The following TFEC variants were observed in gnomAD, a reference collection of about 807,000 sequenced individuals.
TFEC encodes class E basic helix-loop-helix protein 34.
In TFEC, 31 loss-of-function variants were observed where a neutral mutation model predicts 41.6. The ratio of observed to expected loss-of-function variants is 0.74; its 90% CI spans 0.56 to 1.01. TFEC has a LOEUF of 1.01. Among genes scored for constraint, TFEC ranks in the 50% least tolerant of loss-of-function variants. The probability of loss-of-function intolerance (pLI) is 0.00; values close to 1 mark genes in which losing one functional copy is unlikely to be tolerated. For synonymous variants in TFEC, 143 were observed against 140.6 expected, an observed-to-expected ratio of 1.02 and a Z score of -0.12; for missense variants, 402 against 404.1, an observed-to-expected ratio of 0.99 and a Z score of 0.04.
chr7:116,135,086 C>T (rs1197098013), intron 1 of TFEC, among the ~76,000 whole-genome samples: 1 of 152,108 alleles, frequency 6.6e-6, no homozygotes, highest in Admixed American at 6.6e-5. Flanking sequence ...TCCTTTTATG[C>T]TGTATGTGGT....
intron 3 of TFEC, among the ~76,000 whole-genome samples, chr7:115,963,014 C>T (rs1457460956): frequency 6.6e-6 from 1 of 151,646 alleles, no homozygotes; most frequent in Admixed American, 6.6e-5. Flanking sequence ...CCCCCTCTCC[C>T]CGACCAGCCC....
chr7:116,023,918 T>C (rs1360071112), intron 1 of TFEC, among the ~76,000 whole-genome samples: 2 of 152,190 alleles, frequency 1.3e-5, no homozygotes, highest in Non-Finnish European at 2.9e-5. Context: ...AAGGGAAATA[T>C]TGAGGCAATT....
At chr7:116,037,876 G>C (rs1053803219) in intron 3 of TFEC, among the ~76,000 whole-genome samples, 1 of 151,984 alleles carries the variant, frequency 6.6e-6, no homozygotes, top group African/African-American at 2.4e-5. Flanking sequence ...AAGCATGTCA[G>C]GCAAAAGTGT....
intron 6 of TFEC, among the ~76,000 whole-genome samples, chr7:115,942,378 T>C (rs1377984863): frequency 1.3e-5 from 2 of 152,078 alleles, no homozygotes; most frequent in Non-Finnish European, 2.9e-5. Flanking sequence ...ATGTGCAGTA[T>C]TTCTGCATTA....
chr7:115,940,580 A>G lies in TFEC; in HGVS notation c.1015T>C (p.Phe339Leu). 1 of 1,612,976 alleles carries G rather than the reference A, an allele frequency of 6.2e-7. No homozygotes were observed. The highest frequency in any genetic ancestry group is 8.5e-7 in the Non-Finnish European group (1 of 1,179,406). ...VSKESSRRSSFSSDDGDEL is the reference protein window; with the variant it reads ...VSKESSRRSSLSSDDGDEL ...AATTCATCACCATCATCTGAGCTAA[A>G]GCTACTTCTCCTACTGCTTTCTTTG... is the stretch of plus-strand genomic sequence containing the variant. Residue 339 changes from phenylalanine to leucine, a missense_variant, in exon 8 of 8, where the codon TTT becomes CTT. By Grantham distance (22) the Phe-to-Leu change is conservative (BLOSUM62 0). Transcript: ENST00000265440.
chr7:116,010,028 A>G (rs1044276334), intron 1 of TFEC, among the ~76,000 whole-genome samples: 1 of 152,190 alleles, frequency 6.6e-6, no homozygotes, highest in Non-Finnish European at 1.5e-5. Context: ...AACTACATCA[A>G]GAGTATAGTA....
rs1163510512 is a variant in TFEC at position 115,939,492 on chromosome 7, G to A, written c.*1059C>T. On this transcript the variant is annotated 3_prime_UTR_variant, in exon 8 of 8. Coordinates refer to ENST00000265440, the MANE Select transcript of TFEC (RefSeq NM_012252.4). ...AACTGAAAATAATAAGAAATAGTTTGTTGTAATAATTATTTTGTCAATTGG... is the reference window on the plus strand; with the variant it reads ...AACTGAAAATAATAAGAAATAGTTTATTGTAATAATTATTTTGTCAATTGG... 2.0e-5 allele frequency: 3 copies of A among 151,964 alleles called. No homozygotes were observed. Among genetic ancestry groups the A allele is most frequent in the Non-Finnish European group, 2.9e-5 (2 of 67,936 alleles). 9.4% of individuals were successfully genotyped at this position (151,964 alleles called of 1,614,324 possible). A position where few individuals can be genotyped will look rare whatever the true frequency, so the allele number is the denominator to read the frequency against.
intron 3 of TFEC, among the ~76,000 whole-genome samples, chr7:116,108,982 C>G (rs1797783993): frequency 6.6e-6 from 1 of 152,068 alleles, no homozygotes; most frequent in Non-Finnish European, 1.5e-5. Context: ...AAAGGATTCC[C>G]TATTTAATAA....
At chr7:116,032,685 G>T (rs1464653109), upstream of TFEC, among the ~76,000 whole-genome samples, 2 of 152,082 alleles carry the variant, frequency 1.3e-5, no homozygotes, top group South Asian at 4.1e-4. Context: ...CTATCAGAGG[G>T]TGGAAGGCTG....
chr7:115,984,648 C>A (rs917972496), intron 1 of TFEC, 135 bp from the exon 2 acceptor site: 12 of 1,052,062 alleles, frequency 1.1e-5, no homozygotes, highest in African/African-American at 1.6e-5. Flanking sequence ...ATCGTCCATA[C>A]TTCTGTCATA....
At chr7:116,032,699 G>C (rs1003908062), upstream of TFEC, among the ~76,000 whole-genome samples, 1 of 152,098 alleles carries the variant, frequency 6.6e-6, no homozygotes, top group Non-Finnish European at 1.5e-5. Context: ...AAGGCTGGAG[G>C]AGTGAGAGGA....
chr7:115,996,867 A>G (rs1794389440), intron 1 of TFEC, among the ~76,000 whole-genome samples: 1 of 152,122 alleles, frequency 6.6e-6, no homozygotes, highest in African/African-American at 2.4e-5. Flanking sequence ...AGGAAAAGAA[A>G]GAGTGGGAAG....
chr7:116,004,439 A>C (rs1794712261), intron 1 of TFEC, among the ~76,000 whole-genome samples: 1 of 152,186 alleles, frequency 6.6e-6, no homozygotes, highest in African/African-American at 2.4e-5. Context: ...CCTCTAATGT[A>C]AACTATGGTC....
At chr7:115,997,759 G>A (rs1390846053) in intron 1 of TFEC, among the ~76,000 whole-genome samples, 1 of 152,098 alleles carries the variant, frequency 6.6e-6, no homozygotes, top group African/African-American at 2.4e-5. Context: ...CAAAGAGATT[G>A]AAATAATTTT....
intron 3 of TFEC, among the ~76,000 whole-genome samples, chr7:116,090,191 G>A (rs557895832): frequency 1.2e-4 from 18 of 152,268 alleles, no homozygotes; most frequent in African/African-American, 3.4e-4. Context: ...CCAATTAGAC[G>A]TTTGCATAGG....
chr7:115,977,287 A>C (rs1793426315), intron 2 of TFEC, among the ~76,000 whole-genome samples: 1 of 152,120 alleles, frequency 6.6e-6, no homozygotes, highest in African/African-American at 2.4e-5. Flanking sequence ...ATACAAAGAA[A>C]GAGCAAATTG....
rs141291225 is a variant in TFEC, at chr7:115,935,738, G to T, written c.*4813C>A. On this transcript the variant is annotated 3_prime_UTR_variant, in exon 8 of 8. Transcript: ENST00000265440. ...AGAATTTTTGCAATAAAACAGTAGT[G>T]CAGGGATAAAAGAGGTAGTATTACA... is the stretch of plus-strand genomic sequence containing the variant. The T allele has an allele frequency of 6.6e-6, 1 of 151,626 alleles. No individual in the cohort carries two copies. The highest frequency in any genetic ancestry group is 6.6e-5 in the Admixed American group (1 of 15,208). The allele number at this position is 151,626 out of a possible 1,614,324, so 9.4% of individuals were successfully genotyped here.
chr7:116,159,838 T>A (rs1798939727), exon 1 of TFEC: 1 of 152,132 alleles, frequency 6.6e-6, no homozygotes, highest in South Asian at 2.1e-4. Context: ...ATCTCTCCAT[T>A]TGTTTTGTAT....
chr7:116,124,695 A>G (rs986602642), intron 1 of TFEC, among the ~76,000 whole-genome samples: 1 of 152,130 alleles, frequency 6.6e-6, no homozygotes, highest in Middle Eastern at 3.2e-3. Context: ...TTTAAGGGGT[A>G]GCAACTGACT....
Sources: gnomAD v4.1 joint callset for allele counts (sites outside exome capture counted in the v4.1 genomes callset) on GRCh38, gnomAD v4.1.1 for gene constraint, MANE v1.5 for transcripts, NCBI Gene and HGNC (gene_info 2026-07-23, HGNC 2026-07-21) for gene names.